CDCA5: variants seen among roughly 807,000 people sequenced by gnomAD.
The protein encoded by CDCA5 is sororin.
In CDCA5, 14 loss-of-function variants were observed where a neutral mutation model predicts 25.7. The observed-to-expected ratio is 0.54, with a 90% confidence interval of 0.36 to 0.85. The LOEUF is 0.85. CDCA5 is among the 40% of genes least tolerant of loss of function. The pLI, the probability that CDCA5 is intolerant of heterozygous loss-of-function variation, is 0.01. For synonymous variants in CDCA5, 127 were observed against 128.7 expected, an observed-to-expected ratio of 0.99 and a Z score of 0.09; for missense variants, 307 against 324.5, an observed-to-expected ratio of 0.95 and a Z score of 0.41.
chr11:65,066,725 G>A (rs1270673727), intron 5 of CDCA5: 2 of 1,286,542 alleles, frequency 1.6e-6, no homozygotes, highest in Admixed American at 2.3e-5. Flanking sequence ...CAGCCATGCA[G>A]GACAACCCGA....
At chr11:65,069,590 G>A (rs946403255) in intron 1 of CDCA5, among the ~76,000 whole-genome samples, 1 of 152,174 alleles carries the variant, frequency 6.6e-6, no homozygotes, top group African/African-American at 2.4e-5. Flanking sequence ...GAACCTGGCT[G>A]CGTATAACAA....
At chr11:65,073,785 G>A (rs1004982404), downstream of CDCA5, among the ~76,000 whole-genome samples, 2 of 152,166 alleles carry the variant, frequency 1.3e-5, no homozygotes, top group East Asian at 1.9e-4. Context: ...ACTTCAAAGG[G>A]CAGGCACTGT....
downstream of CDCA5, among the ~76,000 whole-genome samples, chr11:65,065,826 T>C (rs1371865484): frequency 6.6e-6 from 1 of 151,948 alleles, no homozygotes; most frequent in African/African-American, 2.4e-5. Context: ...TCTCCAGGCC[T>C]GAGGGGTATA....
At chr11:65,079,860 A>T in intron 4 of CDCA5, 73 bp from the exon 5 acceptor site, 1 of 1,198,566 alleles carries the variant, frequency 8.3e-7, no homozygotes, top group Middle Eastern at 2.8e-4. Context: ...GCCCGAGAAG[A>T]TTCAGGGTGG....
Position 65,078,538 on chromosome 11 carries a change from A to C in CDCA5, c.*569T>G. The C allele has an allele frequency of 4.1e-6, 4 of 985,692 alleles. No individual in the cohort carries two copies. The highest frequency in any genetic ancestry group is 4.8e-6 in the Non-Finnish European group (4 of 830,110). 61.1% of individuals were successfully genotyped at this position (985,692 alleles called of 1,614,324 possible). On this transcript the variant is annotated 3_prime_UTR_variant, in exon 6 of 6. Transcript: ENST00000275517. ...CTCAGACTCCACAGGCTGAATGTCCAGCTTCTTCCTCCAAGACAGAATTGC... is the reference window on the plus strand; with the variant it reads ...CTCAGACTCCACAGGCTGAATGTCCCGCTTCTTCCTCCAAGACAGAATTGC...
downstream of CDCA5, among the ~76,000 whole-genome samples, chr11:65,064,784 G>T (rs1295128149): frequency 7.2e-5 from 11 of 152,180 alleles, no homozygotes. Context: ...ATGTTGGCAG[G>T]CTGAGGCGGG....
chr11:65,075,460 G>T (rs1361087808), downstream of CDCA5, among the ~76,000 whole-genome samples: 5 of 151,822 alleles, frequency 3.3e-5, no homozygotes, highest in African/African-American at 1.2e-4. Flanking sequence ...TTTAGGAAAT[G>T]TGTTCTAGCT....
At chr11:65,079,244 A>C (rs1947506870) in intron 5 of CDCA5, 57 bp from the exon 6 acceptor site, 1 of 1,584,158 alleles carries the variant, frequency 6.3e-7, no homozygotes, top group African/African-American at 1.4e-5. Flanking sequence ...TGGCTGGAGC[A>C]TCTCACCCAC....
At position 65,080,141 on chromosome 11, in the gene CDCA5, C is replaced by T. The variant is rs950022794; in HGVS notation, c.244-354G>A. Among the ~76,000 whole-genome samples the T allele has an allele frequency of 1.1e-4, 16 of 152,272 alleles. No homozygotes were observed. In the East Asian group the frequency reaches 1.7e-3, roughly 17 times the overall value. ...TCCTGACCTCGTGATCCGCCCGCCT[C>T]GGCCTCCCAAAGTGCTGGGATTACA... On this transcript the variant is annotated intron_variant, in intron 4 of 5. Coordinates refer to ENST00000275517, the MANE Select transcript of CDCA5 (RefSeq NM_080668.4).
chr11:65,078,438 A>C lies in CDCA5; in HGVS notation c.*669T>G. On this transcript the variant is annotated 3_prime_UTR_variant, in exon 6 of 6. Transcript: ENST00000275517. ...CCAAACATCTCAACAGCAGACCAGA[A>C]CTAGAAAACACAGCTTCTGTGTAGT... is the stretch of plus-strand genomic sequence containing the variant. 1 of 985,628 alleles carries C rather than the reference A, an allele frequency of 1.0e-6. No homozygotes were observed. The highest frequency in any genetic ancestry group is 4.7e-5 in the South Asian group (1 of 21,286). 61.1% of individuals were successfully genotyped at this position (985,628 alleles called of 1,614,324 possible). A position where few individuals can be genotyped will look rare whatever the true frequency, so the allele number is the denominator to read the frequency against.
chr11:65,062,530 C>G (rs959594774), downstream of CDCA5, among the ~76,000 whole-genome samples: 8 of 152,182 alleles, frequency 5.3e-5, no homozygotes, highest in African/African-American at 1.9e-4. Flanking sequence ...GCTCCCGCTC[C>G]CTAGAACCCT....
At position 65,078,625 on chromosome 11, in the gene CDCA5, G is replaced by C. The variant is rs1284666022; in HGVS notation, c.*482C>G. 1 of 988,070 alleles carries C rather than the reference G, an allele frequency of 1.0e-6. No homozygotes were observed. The highest frequency in any genetic ancestry group is 1.2e-6 in the Non-Finnish European group (1 of 831,924). The allele number at this position is 988,070 out of a possible 1,614,324, so 61.2% of individuals were successfully genotyped here. ...AATCAAAGGGGAAACCCACGGAACTGAAAACCTCTTTACACAGGTGGGTTC... is the reference window on the plus strand; with the variant it reads ...AATCAAAGGGGAAACCCACGGAACTCAAAACCTCTTTACACAGGTGGGTTC... On this transcript the variant is annotated 3_prime_UTR_variant, in exon 6 of 6. Coordinates refer to ENST00000275517, the MANE Select transcript of CDCA5 (RefSeq NM_080668.4).
chr11:65,064,275 AGGCATGGT>A (rs1248141614), downstream of CDCA5, among the ~76,000 whole-genome samples: 1 of 152,032 alleles, frequency 6.6e-6, no homozygotes, highest in Non-Finnish European at 1.5e-5. Flanking sequence ...AAAACTAGCC[AGGCATGGT>A]GGCGGGTGCC....
intron 4 of CDCA5, 40 bp downstream of exon 4, chr11:65,083,324 C>T (rs768766006): frequency 1.2e-5 from 19 of 1,612,216 alleles, no homozygotes; most frequent in South Asian, 6.6e-5. Context: ...TCTAGAGTGA[C>T]CCAGATTCTA....
downstream of CDCA5, among the ~76,000 whole-genome samples, chr11:65,061,994 C>T (rs1264923168): frequency 7.0e-6 from 1 of 142,216 alleles, no homozygotes; most frequent in East Asian, 2.2e-4. Context: ...GATCTCGGCT[C>T]ACCGCAACCT....
chr11:65,082,049 C>T (rs575571868), intron 4 of CDCA5, among the ~76,000 whole-genome samples: 12 of 152,222 alleles, frequency 7.9e-5, no homozygotes, highest in Non-Finnish European at 1.5e-4. Context: ...GCAATTCCCT[C>T]TGAACCCAGT....
Position 65,068,419 on chromosome 11 carries a change from G to A in CDCA5, c.177+69C>T, listed in dbSNP as rs1013647517. 3 of 980,220 alleles carry A rather than the reference G, an allele frequency of 3.1e-6. No homozygotes were observed. In the African/African-American group the frequency reaches 5.0e-5, roughly 16 times the overall value. The allele number at this position is 980,220 out of a possible 1,614,324, so 60.7% of individuals were successfully genotyped here. On this transcript the variant is annotated intron_variant, in intron 2 of 6. Coordinates refer to the CDCA5 transcript ENST00000525464. ...GGGTTCAGGCCTCCATTCAGATACA[G>A]GAAGAATTTCTCCAGCTCTCCTGCC...
rs1380142639 is a variant in CDCA5, at chr11:65,077,674, G to C, written c.*1433C>G. The stretch of plus-strand genomic sequence containing the variant: ...GTTCTTCAGTGCGGTTCAGCTCAAG[G>C]ACACCTAGGCTTCCCCAGCAGGGGG... On this transcript the variant is annotated 3_prime_UTR_variant, in exon 6 of 6. Coordinates refer to ENST00000275517, the MANE Select transcript of CDCA5 (RefSeq NM_080668.4). 1.2e-5 allele frequency: 12 copies of C among 985,464 alleles called. No homozygotes were observed. The South Asian group carries it at 4.2e-4, about 35-fold the overall frequency. The allele number at this position is 985,464 out of a possible 1,614,324, so 61.0% of individuals were successfully genotyped here.
In CDCA5 at chr11:65,078,666, A is replaced by AAC; in HGVS notation, c.*439_*440dup. ...AGGTGGGTTCAAGAAGAAAGCCACC[A>AAC]ACAGAAGGCAACTCAGGAGGGAGAG... On this transcript the variant is annotated 3_prime_UTR_variant, in exon 6 of 6. Transcript: ENST00000275517. 1 of 995,400 alleles carries AAC rather than the reference A, an allele frequency of 1.0e-6. No homozygotes were observed. The allele number at this position is 995,400 out of a possible 1,614,324, so 61.7% of individuals were successfully genotyped here.
Sources: allele counts gnomAD v4.1 joint callset (sites outside exome capture counted in the v4.1 genomes callset), GRCh38; gene constraint gnomAD v4.1.1; transcripts MANE v1.5; gene names NCBI Gene and HGNC (gene_info 2026-07-23, HGNC 2026-07-21).